Variants in ASPSCR1 observed in about 807,000 individuals in gnomAD.
The protein encoded by ASPSCR1 is tether containing UBX domain for GLUT4.
In ASPSCR1, 55 loss-of-function variants were observed where a neutral mutation model predicts 68.9. The observed-to-expected ratio is 0.80, with a 90% CI of 0.64 to 1.00. The LOEUF is 1.00. Among genes scored for constraint, ASPSCR1 ranks in the 50% least tolerant of loss-of-function variants. ASPSCR1 has a pLI of 0.00. For synonymous variants in ASPSCR1, 352 were observed against 332.6 expected, an observed-to-expected ratio of 1.06 and a Z score of -0.63; for missense variants, 765 against 762.2, an observed-to-expected ratio of 1.00 and a Z score of -0.04.
intron 9 of ASPSCR1, among the ~76,000 whole-genome samples, chr17:82,010,352 AC>A (rs2042888352): frequency 6.7e-6 from 1 of 148,832 alleles, no homozygotes; most frequent in South Asian, 2.1e-4. Context: ...ACACGGTGAA[AC>A]CCCATCTCTA....
At chr17:82,006,933 C>T (rs1251939411) in intron 7 of ASPSCR1, 1 of 152,356 alleles carries the variant, frequency 6.6e-6, no homozygotes, top group Non-Finnish European at 1.5e-5. Flanking sequence ...CCCTTCCTGG[C>T]CCCTCTTCTC....
chr17:81,989,992 T>C (rs1199695304), intron 4 of ASPSCR1, among the ~76,000 whole-genome samples: 1 of 152,216 alleles, frequency 6.6e-6, no homozygotes, highest in Non-Finnish European at 1.5e-5. Flanking sequence ...GGTTTCACCA[T>C]GTTGGCCAGG....
At chr17:82,009,871 T>C (rs562860568) in intron 9 of ASPSCR1, 11 of 258,746 alleles carry the variant, frequency 4.3e-5, no homozygotes, top group Admixed American at 1.1e-4. Flanking sequence ...CGCATGCCCT[T>C]AGTGGCCAGT....
At chr17:81,995,012 A>T in intron 5 of ASPSCR1, 134 bp downstream of exon 5, 1 of 1,025,524 alleles carries the variant, frequency 9.8e-7, no homozygotes, top group Non-Finnish European at 1.4e-6. Flanking sequence ...GACGTGTTTC[A>T]TGGAAAAAGA....
chr17:81,999,949 C>A lies in ASPSCR1; in HGVS notation c.933+3103C>A, dbSNP rs1384423262. Among the ~76,000 whole-genome samples the A allele has an allele frequency of 6.6e-6, 1 of 152,188 alleles. No individual in the cohort carries two copies. Among genetic ancestry groups the A allele is most frequent in the Non-Finnish European group, 1.5e-5 (1 of 68,030 alleles). On this transcript the variant is annotated intron_variant, in intron 7 of 15. Coordinates refer to ENST00000306739, the MANE Select transcript of ASPSCR1 (RefSeq NM_024083.4). The surrounding 1 kb of genome is among the most constrained non-coding windows in gnomAD (Gnocchi z 4.4). ...CCTGGGACTGTTCCTGTTGAGTGGA[C>A]AAGGGAGTGGGGAGTGAGGGTGTTG...
intron 2 of ASPSCR1, among the ~76,000 whole-genome samples, chr17:81,980,750 A>T (rs1427742924): frequency 6.6e-6 from 1 of 152,228 alleles, no homozygotes; most frequent in Non-Finnish European, 1.5e-5. Context: ...TAGGAGGATC[A>T]TGAGTATTCA....
At position 82,016,541 on chromosome 17, in the gene ASPSCR1, G is replaced by A. The variant is rs1446099284; in HGVS notation, c.1405+14G>A. ...AGGAGCCGGCAGGTGAGTGTCAGTG[G>A]TTGGGGCCAGTGTCGGAGTCCAGCC... On this transcript the variant is annotated intron_variant, in intron 13 of 15. Coordinates refer to ENST00000306739, the MANE Select transcript of ASPSCR1 (RefSeq NM_024083.4). The A allele has an allele frequency of 2.6e-6, 4 of 1,549,156 alleles. No individual in the cohort carries two copies. The highest frequency in any genetic ancestry group is 3.5e-6 in the Non-Finnish European group (4 of 1,146,918).
At chr17:81,984,292 C>T (rs536004222) in intron 3 of ASPSCR1, among the ~76,000 whole-genome samples, 20 of 152,248 alleles carry the variant, frequency 1.3e-4, no homozygotes, top group South Asian at 2.1e-4. Flanking sequence ...GAGCCGAAAG[C>T]GCTGCATGGA....
rs555157319 is a variant in ASPSCR1, at chr17:81,987,397, A to G, written c.374+1790A>G. On this transcript the variant is annotated intron_variant, in intron 4 of 15. Coordinates refer to ENST00000306739, the MANE Select transcript of ASPSCR1 (RefSeq NM_024083.4). This position sits in a 1 kb window ranked among gnomAD's most constrained non-coding sequence, Gnocchi z 5.6. ...AGAAGAAAACCAAACAGCGCGGGGA[A>G]CAGAAGTCAGGAAAGATGAACGTCT... Among the ~76,000 whole-genome samples the G allele has an allele frequency of 2.6e-5, 4 of 152,296 alleles. No individual in the cohort carries two copies. Among genetic ancestry groups the G allele is most frequent in the Non-Finnish European group, 5.9e-5 (4 of 68,006 alleles).
chr17:81,992,997 A>G (rs2042221334), intron 4 of ASPSCR1, among the ~76,000 whole-genome samples: 2 of 152,174 alleles, frequency 1.3e-5, no homozygotes, highest in Non-Finnish European at 2.9e-5. Flanking sequence ...CCAGGCTGTC[A>G]GAGTCGGGGC....
chr17:82,008,817 T>G, intron 7 of ASPSCR1: 2 of 500,900 alleles, frequency 4.0e-6, no homozygotes, highest in Non-Finnish European at 6.7e-6. Flanking sequence ...GAGAGGGGGG[T>G]CTCCAGCCCT....
In ASPSCR1 at chr17:82,014,771, C is replaced by T. The variant is rs537485259; in HGVS notation, c.1354-1705C>T. On this transcript the variant is annotated intron_variant, in intron 12 of 15. Transcript: ENST00000306739. ...GTGGGGGTTGACGTGGGCCTCCTTTCGGAAGCTCTTCCTGGCAACACTGAG... is the reference window on the plus strand; with the variant it reads ...GTGGGGGTTGACGTGGGCCTCCTTTTGGAAGCTCTTCCTGGCAACACTGAG... The T allele has an allele frequency of 4.0e-4, 187 of 465,476 alleles. 1 individual carries two copies. The highest frequency in any genetic ancestry group is 3.3e-3 in the African/African-American group (170 of 51,356). 28.8% of individuals were successfully genotyped at this position (465,476 alleles called of 1,614,324 possible).
At chr17:81,979,111 T>C in intron 1 of ASPSCR1, 73 bp from the exon 2 acceptor site, 2 of 1,534,914 alleles carry the variant, frequency 1.3e-6, no homozygotes, top group Non-Finnish European at 9.0e-7. Flanking sequence ...TGAATGCCCT[T>C]GGCTGACCTG....
intron 4 of ASPSCR1, among the ~76,000 whole-genome samples, chr17:81,985,897 A>G (rs1328037559): frequency 6.6e-6 from 1 of 151,936 alleles, no homozygotes; most frequent in Non-Finnish European, 1.5e-5. Context: ...GGGCCTGGTG[A>G]GCACTAAGGG....
At chr17:82,008,747 A>G (rs2042807589) in intron 7 of ASPSCR1, 2 of 354,214 alleles carry the variant, frequency 5.6e-6, no homozygotes, top group Non-Finnish European at 1.0e-5. Flanking sequence ...GCCAGACTCC[A>G]GGGGCCATGT....
chr17:81,990,598 C>T lies in ASPSCR1; in HGVS notation c.375-4223C>T, dbSNP rs956367867. On this transcript the variant is annotated intron_variant, in intron 4 of 15. Transcript: ENST00000306739. This position sits in a 1 kb window ranked among gnomAD's most constrained non-coding sequence, Gnocchi z 4.1. ...ACGCCGAGCTCTGGGGGACACTGCT[C>T]TCTGCCTGCCTGGTGGGCCTGTGTC... is the stretch of plus-strand genomic sequence containing the variant. Among the ~76,000 whole-genome samples, 2 of 151,852 alleles carry T rather than the reference C, an allele frequency of 1.3e-5. No homozygotes were observed. The highest frequency in any genetic ancestry group is 2.9e-5 in the Non-Finnish European group (2 of 68,006).
rs772085653 is a variant in ASPSCR1, at chr17:82,017,382, G to A, written c.*60G>A. 8 of 1,610,206 alleles carry A rather than the reference G, an allele frequency of 5.0e-6. No individual in the cohort carries two copies. The African/African-American group carries it at 5.3e-5, about 11-fold the overall frequency. On this transcript the variant is annotated 3_prime_UTR_variant, in exon 16 of 16. Transcript: ENST00000306739. The stretch of plus-strand genomic sequence containing the variant: ...ACAGGACCACCTCCTCTGCCAGCAG[G>A]AATAAAGACTTGTGCATCCCTCAAC...
intron 4 of ASPSCR1, among the ~76,000 whole-genome samples, chr17:81,991,292 C>T (rs1041548410): frequency 7.9e-5 from 12 of 152,208 alleles, no homozygotes; most frequent in African/African-American, 2.9e-4. Flanking sequence ...TCTTCCCAGG[C>T]CCCCAGCCCT....
intron 5 of ASPSCR1, 144 bp from the exon 6 acceptor site, chr17:81,995,848 A>G (rs977234281): frequency 3.9e-6 from 3 of 774,102 alleles, no homozygotes; most frequent in Non-Finnish European, 6.5e-6. Flanking sequence ...GTGGACCGGC[A>G]GGGGCCAGAT....
Sources: gnomAD v4.1 joint callset for allele counts (sites outside exome capture counted in the v4.1 genomes callset) on GRCh38, gnomAD v4.1.1 for gene constraint, Gnocchi (gnomAD v3.1) non-coding constraint, MANE v1.5 for transcripts, NCBI Gene and HGNC (gene_info 2026-07-23, HGNC 2026-07-21) for gene names.